The following DYNLT5 variants were observed in gnomAD, a reference collection of about 807,000 sequenced individuals.
DYNLT5 encodes dynein light chain Tctex-type 5.
DYNLT5 carries 25 observed loss-of-function variants against 19.3 expected under a neutral mutation model. The observed-to-expected ratio is 1.30, with a 90% confidence interval of 0.95 to 1.81. The LOEUF is 1.81. DYNLT5 is among the 40% of genes most tolerant of loss of function. The pLI is 0.00. For missense variants in DYNLT5, 232 were observed against 217.9 expected (o/e 1.06, Z -0.41); for synonymous variants, 82 against 68.9 (o/e 1.19, Z -0.94).
chr1:66,759,014 A>C (rs1399041635), intron 2 of DYNLT5, among the ~76,000 whole-genome samples: 1 of 152,186 alleles, frequency 6.6e-6, no homozygotes, highest in African/African-American at 2.4e-5. Flanking sequence ...AGCCTCCCCC[A>C]AAAAGAGAAA....
chr1:66,755,478 C>T lies in DYNLT5; in HGVS notation c.119+701C>T, dbSNP rs74948079. ...GGAAGAAAACAAAACAAATTATCGA[C>T]GTAGCAGTCAATTAATAATAGACTT... On this transcript the variant is annotated intron_variant, in intron 2 of 4. Coordinates refer to ENST00000282670, the MANE Select transcript of DYNLT5 (RefSeq NM_152665.3). Among the ~76,000 whole-genome samples the T allele has an allele frequency of 3.5e-3, 526 of 152,208 alleles. 5 individuals are homozygous for T. The highest frequency in any genetic ancestry group is 0.012 in the African/African-American group (480 of 41,518).
chr1:66,752,483 G>T lies in DYNLT5; in HGVS notation c.-105G>T. 1 of 985,534 alleles carries T rather than the reference G, an allele frequency of 1.0e-6. No homozygotes were observed. Among genetic ancestry groups the T allele is most frequent in the Non-Finnish European group, 1.2e-6 (1 of 830,020 alleles). 61.0% of individuals were successfully genotyped at this position (985,534 alleles called of 1,614,324 possible). A position where few individuals can be genotyped will look rare whatever the true frequency, so the allele number is the denominator to read the frequency against. Reference sequence around the variant, plus strand: ...CAGAGTCCAGGGAGAGTGCGCGGGCGGCCGCCGGCTGAATGAAGCCTGGGA... The same window carrying T: ...CAGAGTCCAGGGAGAGTGCGCGGGCTGCCGCCGGCTGAATGAAGCCTGGGA... On this transcript the variant is annotated 5_prime_UTR_variant, in exon 1 of 5. Transcript: ENST00000282670.
chr1:66,760,743 C>A (rs192999226), intron 2 of DYNLT5, among the ~76,000 whole-genome samples: 1 of 152,310 alleles, frequency 6.6e-6, no homozygotes, highest in African/African-American at 2.4e-5. Flanking sequence ...GATTGCCCAG[C>A]GTGACACAGC....
intron 2 of DYNLT5, among the ~76,000 whole-genome samples, chr1:66,762,933 A>G (rs1221215912): frequency 2.0e-5 from 3 of 152,194 alleles, no homozygotes; most frequent in Admixed American, 6.5e-5. Flanking sequence ...TCCTGATTTG[A>G]TCATTACACA....
chr1:66,777,386 T>G lies in DYNLT5; in HGVS notation c.472T>G (p.Ser158Ala). Reference sequence around the variant, plus strand: ...CTGGGATCCTAAAAGTGATACCTTTTCATCTTATGTTTTCAGAAATTCTTC... The same window carrying G: ...CTGGGATCCTAAAAGTGATACCTTTGCATCTTATGTTTTCAGAAATTCTTC... The part of the protein sequence containing the change: ...CLWDPKSDTF[S>A]SYVFRNSSLF... The change falls in exon 5 of 5, where the codon TCA becomes GCA. Residue 158 changes from serine (S) to alanine (A), a missense_variant. Ser to Ala is a moderately conservative substitution (Grantham distance 99). Transcript: ENST00000282670. 6.2e-7 allele frequency: 1 copy of G among 1,613,976 alleles called. No individual in the cohort carries two copies. The highest frequency in any genetic ancestry group is 8.5e-7 in the Non-Finnish European group (1 of 1,179,896).
intron 1 of DYNLT5, 64 bp downstream of exon 1, chr1:66,752,648 G>T: frequency 1.0e-6 from 1 of 956,234 alleles, no homozygotes; most frequent in Non-Finnish European, 1.2e-6. Flanking sequence ...CAAGGGATCG[G>T]CCCTTTGTTG....
At chr1:66,753,139 GCT>G (rs1401328085) in intron 1 of DYNLT5, among the ~76,000 whole-genome samples, 2 of 151,990 alleles carry the variant, frequency 1.3e-5, no homozygotes, top group Non-Finnish European at 2.9e-5. Context: ...ACTCAAGGAC[GCT>G]CACACTCACG....
chr1:66,763,537 A>G (rs924098064), intron 2 of DYNLT5, among the ~76,000 whole-genome samples: 5 of 152,214 alleles, frequency 3.3e-5, no homozygotes, highest in African/African-American at 4.8e-5. Context: ...CCCTTCATCA[A>G]TGATCTTAGC....
chr1:66,772,613 A>G (rs546014808), intron 3 of DYNLT5, among the ~76,000 whole-genome samples: 1 of 152,354 alleles, frequency 6.6e-6, no homozygotes, highest in East Asian at 1.9e-4. Context: ...AGTAGAGGGA[A>G]ATATCAGCCA....
At chr1:66,760,815 C>A (rs1412390002) in intron 2 of DYNLT5, among the ~76,000 whole-genome samples, 2 of 152,212 alleles carry the variant, frequency 1.3e-5, no homozygotes, top group East Asian at 3.8e-4. Context: ...GCTTAACTAT[C>A]ACCTCCCTTG....
intron 2 of DYNLT5, among the ~76,000 whole-genome samples, chr1:66,760,134 A>G (rs2094643286): frequency 6.6e-6 from 1 of 152,124 alleles, no homozygotes. Flanking sequence ...ACCCACTTCC[A>G]AACTCCCTTA....
In DYNLT5 at chr1:66,752,555, G is replaced by C. The variant is rs1244720117; in HGVS notation, c.-33G>C. On this transcript the variant is annotated 5_prime_UTR_variant, in exon 1 of 5. Transcript: ENST00000282670. ...AGTGTCTGCAGTGCCGGAGGTCTGG[G>C]AGGCTCCGGGCGAAGCCTCCCTGCT... is the stretch of plus-strand genomic sequence containing the variant. 1 of 985,548 alleles carries C rather than the reference G, an allele frequency of 1.0e-6. No homozygotes were observed. The highest frequency in any genetic ancestry group is 6.1e-5 in the Admixed American group (1 of 16,294). The allele number at this position is 985,548 out of a possible 1,614,324, so 61.1% of individuals were successfully genotyped here.
chr1:66,752,715 C>A, intron 1 of DYNLT5, 131 bp downstream of exon 1: 2 of 521,648 alleles, frequency 3.8e-6, no homozygotes, highest in Non-Finnish European at 4.9e-6. Context: ...CTCTCCCCAA[C>A]ACATAAGAAA....
Position 66,770,589 on chromosome 1 carries a change from G to A in DYNLT5, c.211+111G>A, listed in dbSNP as rs771997937. The A allele has an allele frequency of 6.0e-5, 53 of 882,088 alleles. No individual in the cohort carries two copies. The African/African-American group carries it at 7.4e-4, about 12-fold the overall frequency. 54.6% of individuals were successfully genotyped at this position (882,088 alleles called of 1,614,324 possible). A position where few individuals can be genotyped will look rare whatever the true frequency, so the allele number is the denominator to read the frequency against. On this transcript the variant is annotated intron_variant, in intron 3 of 4. Coordinates refer to ENST00000282670, the MANE Select transcript of DYNLT5 (RefSeq NM_152665.3). ...TGTCTTCAATTCTAGCACAATATAA[G>A]GGACTTTAATGAATTGAGTGATTTG...
chr1:66,773,663 A>G (rs7525761), intron 3 of DYNLT5, among the ~76,000 whole-genome samples: 18,171 of 152,222 alleles, frequency 0.12, 1,144 homozygotes, highest in South Asian at 0.16. Flanking sequence ...AAAAAAATGT[A>G]GTAATTATTA....
At chr1:66,772,192 G>A (rs1645208114) in intron 3 of DYNLT5, among the ~76,000 whole-genome samples, 1 of 152,146 alleles carries the variant, frequency 6.6e-6, no homozygotes, top group Non-Finnish European at 1.5e-5. Context: ...AAAGAAAACA[G>A]GTTTATTTGG....
chr1:66,776,316 T>C lies in DYNLT5; in HGVS notation c.249T>C (p.His83=), dbSNP rs767756726. 2 of 1,613,562 alleles carry C rather than the reference T, an allele frequency of 1.2e-6. No individual in the cohort carries two copies. The highest frequency in any genetic ancestry group is 1.1e-5 in the South Asian group (1 of 90,984). Residue 83 remains histidine, a synonymous_variant, in exon 4 of 5, where the codon CAT becomes CAC. Coordinates refer to ENST00000282670, the MANE Select transcript of DYNLT5 (RefSeq NM_152665.3). ...PKHFPVVTVN[H]ILKDVVTSYL... The stretch of plus-strand genomic sequence containing the variant: ...ATTTTCCTGTGGTCACCGTCAATCA[T>C]ATTTTGAAAGATGTAGTAACCAGCT...
At chr1:66,767,707 A>G (rs1027367168) in intron 2 of DYNLT5, among the ~76,000 whole-genome samples, 2 of 152,236 alleles carry the variant, frequency 1.3e-5, no homozygotes, top group African/African-American at 4.8e-5. Flanking sequence ...CTTACATAAA[A>G]TAAGTCTGAA....
chr1:66,777,382 C>A lies in DYNLT5; in HGVS notation c.468C>A (p.Thr156=), dbSNP rs150536425. ...GCCTCTGGGATCCTAAAAGTGATAC[C>A]TTTTCATCTTATGTTTTCAGAAATT... The part of the protein sequence containing the change: ...SRCLWDPKSD[T]FSSYVFRNSS... Residue 156 remains threonine, a synonymous_variant, in exon 5 of 5, where the codon ACC becomes ACA. Coordinates refer to ENST00000282670, the MANE Select transcript of DYNLT5 (RefSeq NM_152665.3). The A allele has an allele frequency of 3.7e-6, 6 of 1,613,850 alleles. No homozygotes were observed. The highest frequency in any genetic ancestry group is 1.3e-5 in the African/African-American group (1 of 75,018).
Sources: allele counts gnomAD v4.1 joint callset (sites outside exome capture counted in the v4.1 genomes callset), GRCh38; gene constraint gnomAD v4.1.1; transcripts MANE v1.5; gene names NCBI Gene and HGNC (gene_info 2026-07-23, HGNC 2026-07-21).